HTR1F: variants seen among roughly 807,000 people sequenced by gnomAD.
HTR1F encodes the protein 5-hydroxytryptamine receptor 1F, also known as 5-hydroxytryptamine (serotonin) receptor 1F, G protein-coupled.
HTR1F carries 17 observed loss-of-function variants against 24.0 expected under a neutral mutation model. That is an observed-to-expected ratio of 0.71 (90% confidence interval 0.48 to 1.06). HTR1F has a LOEUF of 1.06. Ranked by LOEUF, HTR1F falls within the 50% of genes least tolerant of loss-of-function variation. The probability of loss-of-function intolerance (pLI) is 0.00; values close to 1 mark genes in which losing one functional copy is unlikely to be tolerated. For missense variants in HTR1F, 391 were observed against 427.8 expected, an observed-to-expected ratio of 0.91 and a Z score of 0.76; for synonymous variants, 186 against 156.8, an observed-to-expected ratio of 1.19 and a Z score of -1.39.
intron 2 of HTR1F, among the ~76,000 whole-genome samples, chr3:87,978,694 G>C (rs912547015): frequency 6.6e-6 from 1 of 151,934 alleles, no homozygotes; most frequent in African/African-American, 2.4e-5. Flanking sequence ...TGTGAGTCTG[G>C]CTGAGTCCAG....
intron 2 of HTR1F, among the ~76,000 whole-genome samples, chr3:87,935,920 G>A (rs865924531): frequency 2.6e-5 from 4 of 151,642 alleles, no homozygotes; most frequent in Middle Eastern, 3.2e-3. Flanking sequence ...GCATGATCTC[G>A]GCTCACTGCA....
chr3:87,943,701 T>G (rs970227449), intron 2 of HTR1F, among the ~76,000 whole-genome samples: 4 of 152,244 alleles, frequency 2.6e-5, no homozygotes, highest in African/African-American at 9.6e-5. Flanking sequence ...CATATGGCAC[T>G]TCAATCCATT....
intron 2 of HTR1F, among the ~76,000 whole-genome samples, chr3:87,864,621 C>T (rs1705383798): frequency 6.6e-6 from 1 of 152,102 alleles, no homozygotes; most frequent in African/African-American, 2.4e-5. Flanking sequence ...ATCAGTCAGG[C>T]ATGGTGGATC....
At chr3:87,877,659 A>G (rs1705700639) in intron 2 of HTR1F, among the ~76,000 whole-genome samples, 1 of 152,174 alleles carries the variant, frequency 6.6e-6, no homozygotes, top group South Asian at 2.1e-4. Context: ...GATATCCAAG[A>G]TCCCAACTAT....
intron 2 of HTR1F, among the ~76,000 whole-genome samples, chr3:87,974,114 C>G (rs1705342923): frequency 2.0e-5 from 3 of 152,182 alleles, no homozygotes; most frequent in Admixed American, 2.0e-4. Context: ...CAGCAGGCAA[C>G]CAGGGAAACT....
intron 2 of HTR1F, among the ~76,000 whole-genome samples, chr3:87,922,996 C>T (rs537292193): frequency 3.3e-5 from 5 of 151,248 alleles, no homozygotes; most frequent in Admixed American, 2.0e-4. Flanking sequence ...GTGGATATCC[C>T]GTTTTTCCAG....
At chr3:87,985,884 A>T (rs952797234) in intron 2 of HTR1F, among the ~76,000 whole-genome samples, 1 of 152,250 alleles carries the variant, frequency 6.6e-6, no homozygotes, top group Non-Finnish European at 1.5e-5. Flanking sequence ...GATTTTAAAA[A>T]CTGAGTAAGC....
In HTR1F at chr3:87,917,181, A is replaced by T. The variant is rs186023579; in HGVS notation, c.-42-73527A>T. Among the ~76,000 whole-genome samples the T allele has an allele frequency of 2.2e-4, 34 of 152,106 alleles. 1 individual carries two copies. The highest frequency in any genetic ancestry group is 5.8e-4 in the African/African-American group (24 of 41,530). ...CAAACCAAATGAAAGTAGTGAGAAA[A>T]CCTATCAAAACCTCTGGGACACAGT... On this transcript the variant is annotated intron_variant, in intron 2 of 2. Coordinates refer to ENST00000319595, the MANE Select transcript of HTR1F (RefSeq NM_001322209.2).
chr3:87,871,924 T>C (rs1479167893), intron 2 of HTR1F, among the ~76,000 whole-genome samples: 6 of 152,044 alleles, frequency 3.9e-5, no homozygotes, highest in Admixed American at 2.0e-4. Flanking sequence ...AACAAACATA[T>C]AGAGAATATT....
intron 2 of HTR1F, among the ~76,000 whole-genome samples, chr3:87,839,011 TA>T (rs1553664322): frequency 0.013 from 1,879 of 148,012 alleles, 41 homozygotes; most frequent in African/African-American, 0.043. Context: ...TTATTTATTT[TA>T]TTTTTATTTT....
chr3:87,851,373 A>G (rs1325745540), intron 2 of HTR1F, among the ~76,000 whole-genome samples: 4 of 151,540 alleles, frequency 2.6e-5, no homozygotes, highest in Admixed American at 2.6e-4. Context: ...TATTTTTTTA[A>G]CTACTATTTT....
chr3:87,989,048 T>G (rs1705744597), intron 2 of HTR1F, among the ~76,000 whole-genome samples: 1 of 152,196 alleles, frequency 6.6e-6, no homozygotes, highest in Admixed American at 6.5e-5. Flanking sequence ...TAGTAATAGC[T>G]CTACCTAAGA....
At chr3:87,866,489 TACTACAAGCCATCACCAG>T (rs547701004) in intron 2 of HTR1F, among the ~76,000 whole-genome samples, 225 of 152,324 alleles carry the variant, frequency 1.5e-3, no homozygotes, top group African/African-American at 5.3e-3. Context: ...TCTTTATCTG[TACTACAAGCCATCACCAG>T]ATTTTACCTG....
Position 87,991,938 on chromosome 3 carries a change from T to C in HTR1F, c.*88T>C, listed in dbSNP as rs1357195911. 8.9e-7 allele frequency: 1 copy of C among 1,126,110 alleles called. No individual in the cohort carries two copies. The highest frequency in any genetic ancestry group is 1.3e-6 in the Non-Finnish European group (1 of 797,196). 69.8% of individuals were successfully genotyped at this position (1,126,110 alleles called of 1,614,324 possible). On this transcript the variant is annotated 3_prime_UTR_variant, in exon 3 of 3. Transcript: ENST00000319595. The stretch of plus-strand genomic sequence containing the variant: ...CCAAATAATAAAACACTTAAGCTTT[T>C]AGAGGGAAATACATGAAAACTGCTA...
At chr3:87,986,074 G>A (rs767633060) in intron 2 of HTR1F, among the ~76,000 whole-genome samples, 3 of 152,044 alleles carry the variant, frequency 2.0e-5, no homozygotes, top group Non-Finnish European at 2.9e-5. Flanking sequence ...TTCAAATACA[G>A]AATGCAGTCT....
intron 1 of HTR1F, among the ~76,000 whole-genome samples, chr3:87,808,410 G>A (rs1704107361): frequency 6.6e-6 from 1 of 151,608 alleles, no homozygotes; most frequent in South Asian, 2.1e-4. Flanking sequence ...ATGTATAGTT[G>A]TTCATAATAG....
At chr3:87,894,559 CTTTTTTTTTTT>C (rs35190252) in intron 2 of HTR1F, among the ~76,000 whole-genome samples, 2 of 74,658 alleles carry the variant, frequency 2.7e-5, no homozygotes, top group African/African-American at 1.2e-4. Context: ...TGCCCAGCCT[CTTTTTTTTTTT>C]TTTTTTTTTT....
intron 1 of HTR1F, among the ~76,000 whole-genome samples, chr3:87,801,979 T>G (rs1221472175): frequency 2.0e-5 from 3 of 151,870 alleles, no homozygotes; most frequent in Non-Finnish European, 4.4e-5. Flanking sequence ...TGGCTTTGCT[T>G]TCTTTCTTTC....
rs1051243335 is a variant in HTR1F, at chr3:87,971,037, A to G, written c.-42-19671A>G. On this transcript the variant is annotated intron_variant, in intron 2 of 2. Transcript: ENST00000319595. ...TGCCTCCTCCCCTTCCACAGATGAC[A>G]CTACCTTCCATCCAAAGAGAAAATA... 7.2e-5 allele frequency among the ~76,000 whole-genome samples: 11 copies of G among 152,256 alleles called. No individual in the cohort carries two copies. In the East Asian group the frequency reaches 1.9e-3, roughly 27 times the overall value.
Sources: allele counts gnomAD v4.1 joint callset (sites outside exome capture counted in the v4.1 genomes callset), GRCh38; gene constraint gnomAD v4.1.1; transcripts MANE v1.5; gene names NCBI Gene and HGNC (gene_info 2026-07-23, HGNC 2026-07-21).